SNX8: variants seen among roughly 807,000 people sequenced by gnomAD.
SNX8 encodes the protein sorting nexin-8.
SNX8 carries 25 observed loss-of-function variants against 51.6 expected under a neutral mutation model. The observed-to-expected ratio is 0.48, with a 90% CI of 0.35 to 0.68. The LOEUF is 0.68. Ranked by LOEUF, SNX8 falls within the 30% of genes least tolerant of loss-of-function variation. The pLI is 0.00. For synonymous variants in SNX8, 324 were observed against 277.0 expected (o/e 1.17, Z -1.68); for missense variants, 695 against 624.0 (o/e 1.11, Z -1.21).
intron 1 of SNX8, chr7:2,287,981 A>G (rs1164004587): frequency 6.7e-6 from 1 of 149,496 alleles, no homozygotes; most frequent in African/African-American, 2.4e-5. Flanking sequence ...TGTGTGGCTG[A>G]CTGTGCTTTT....
chr7:2,336,232 T>C (rs142975007), intron 1 of SNX8, among the ~76,000 whole-genome samples: 1,939 of 151,242 alleles, frequency 0.013, 39 homozygotes, highest in African/African-American at 0.045. Context: ...AGAAACCCCA[T>C]ATCTACTAAA....
chr7:2,285,791 C>A (rs1796013468), intron 1 of SNX8, among the ~76,000 whole-genome samples: 1 of 152,110 alleles, frequency 6.6e-6, no homozygotes, highest in Non-Finnish European at 1.5e-5. Context: ...CTCAGCCTCC[C>A]AAGTAGCTGG....
At chr7:2,342,056 G>C (rs1234615734) in intron 1 of SNX8, among the ~76,000 whole-genome samples, 1 of 150,408 alleles carries the variant, frequency 6.6e-6, no homozygotes, top group Non-Finnish European at 1.5e-5. Context: ...TCAGGAGATT[G>C]ATCCTTGCAT....
intron 1 of SNX8, among the ~76,000 whole-genome samples, chr7:2,312,522 C>T (rs1012188818): frequency 2.3e-4 from 35 of 152,144 alleles, no homozygotes; most frequent in African/African-American, 8.0e-4. Flanking sequence ...TCCCCTTACA[C>T]TGATACAAGG....
At chr7:2,296,881 G>C (rs139535539) in intron 1 of SNX8, among the ~76,000 whole-genome samples, 3 of 151,970 alleles carry the variant, frequency 2.0e-5, no homozygotes, top group African/African-American at 4.8e-5. Flanking sequence ...AGTGAGCTGA[G>C]ATCACGCCAT....
intron 1 of SNX8, among the ~76,000 whole-genome samples, chr7:2,346,189 G>C (rs1016913650): frequency 3.9e-5 from 6 of 152,066 alleles, no homozygotes; most frequent in Non-Finnish European, 8.8e-5. Flanking sequence ...GTACATGATG[G>C]CTTCCTCTGA....
chr7:2,262,718 G>A (rs968323461), intron 7 of SNX8, among the ~76,000 whole-genome samples: 4 of 152,080 alleles, frequency 2.6e-5, no homozygotes, highest in Non-Finnish European at 4.4e-5. Flanking sequence ...CTGTTTTGTC[G>A]CTGGCAACCC....
intron 1 of SNX8, among the ~76,000 whole-genome samples, chr7:2,351,362 A>G (rs183890458): frequency 2.8e-4 from 43 of 152,218 alleles, no homozygotes; most frequent in African/African-American, 9.9e-4. Flanking sequence ...GACCAGACTG[A>G]GCAACATAGT....
upstream of SNX8, among the ~76,000 whole-genome samples, chr7:2,315,342 C>T (rs1796736916): frequency 1.4e-5 from 2 of 148,096 alleles, no homozygotes; most frequent in South Asian, 4.3e-4. Flanking sequence ...TCACTCTCTG[C>T]ATCCTGCATT....
rs901428950 is a variant in SNX8 at position 2,252,310 on chromosome 7, A to T, written c.*2746T>A. ...GGAGGGCTGGAGAGGCATGGGGGGA[A>T]CCCCGCTCTCCCTCCGGCATGGGGC... On this transcript the variant is annotated 3_prime_UTR_variant, in exon 11 of 11. Transcript: ENST00000222990. 6.6e-6 allele frequency: 1 copy of T among 152,354 alleles called. No homozygotes were observed. The highest frequency in any genetic ancestry group is 2.4e-5 in the African/African-American group (1 of 41,430). The allele number at this position is 152,354 out of a possible 1,614,324, so 9.4% of individuals were successfully genotyped here.
At chr7:2,304,593 C>T (rs1217925876) in intron 1 of SNX8, among the ~76,000 whole-genome samples, 4 of 151,980 alleles carry the variant, frequency 2.6e-5, no homozygotes, top group Non-Finnish European at 4.4e-5. Flanking sequence ...GATGGGAATA[C>T]GGTCCCCTCA....
chr7:2,303,977 TA>T (rs997614746), intron 1 of SNX8, among the ~76,000 whole-genome samples: 19 of 144,350 alleles, frequency 1.3e-4, no homozygotes, highest in African/African-American at 4.4e-4. Flanking sequence ...AAATAAAAAA[TA>T]AAAAAAAATA....
chr7:2,337,866 A>AAAAAG (rs768697465), intron 1 of SNX8, among the ~76,000 whole-genome samples: 1 of 150,314 alleles, frequency 6.7e-6, no homozygotes, highest in Admixed American at 6.6e-5. Flanking sequence ...AAAAAAAAAA[A>AAAAAG]GGGAAAAGAA....
At chr7:2,291,835 C>G (rs1796158618) in intron 1 of SNX8, among the ~76,000 whole-genome samples, 2 of 152,222 alleles carry the variant, frequency 1.3e-5, no homozygotes, top group South Asian at 4.1e-4. Flanking sequence ...GTCTCATTCA[C>G]AGGCTTCTCC....
At chr7:2,270,596 G>A (rs1246268568) in intron 4 of SNX8, among the ~76,000 whole-genome samples, 9 of 152,120 alleles carry the variant, frequency 5.9e-5, no homozygotes, top group Middle Eastern at 3.4e-3. Context: ...CCTGCCCACC[G>A]CCCCTCCCAG....
intron 1 of SNX8, among the ~76,000 whole-genome samples, chr7:2,308,442 C>A (rs191858909): frequency 6.6e-6 from 1 of 151,618 alleles, no homozygotes; most frequent in Non-Finnish European, 1.5e-5. Flanking sequence ...CTGCAGCGGG[C>A]GGATCACCTG....
At chr7:2,279,432 C>T (rs972961456) in intron 1 of SNX8, among the ~76,000 whole-genome samples, 2 of 152,106 alleles carry the variant, frequency 1.3e-5, no homozygotes, top group African/African-American at 2.4e-5. Flanking sequence ...ACAGAGTCGA[C>T]GCTGCGGGCA....
At chr7:2,260,666 CGACT>C (rs1795314534) in intron 7 of SNX8, among the ~76,000 whole-genome samples, 2 of 152,116 alleles carry the variant, frequency 1.3e-5, no homozygotes, top group African/African-American at 2.4e-5. Context: ...TCGCTGCCCC[CGACT>C]GAACAGCAAG....
intron 1 of SNX8, among the ~76,000 whole-genome samples, chr7:2,344,679 G>C (rs926285779): frequency 1.2e-4 from 19 of 152,136 alleles, no homozygotes; most frequent in Admixed American, 2.0e-4. Flanking sequence ...AGCACTTTGG[G>C]ACACTGAGGC....
Sources: gnomAD v4.1 joint callset for allele counts (sites outside exome capture counted in the v4.1 genomes callset) on GRCh38, gnomAD v4.1.1 for gene constraint, MANE v1.5 for transcripts, NCBI Gene and HGNC (gene_info 2026-07-23, HGNC 2026-07-21) for gene names.